ELAC2: variants seen among roughly 807,000 people sequenced by gnomAD.
ELAC2 encodes the protein zinc phosphodiesterase ELAC protein 2.
ELAC2 carries 92 observed loss-of-function variants against 105.2 expected under a neutral mutation model. The observed-to-expected ratio is 0.87, with a 90% confidence interval of 0.74 to 1.04. The LOEUF is 1.04. ELAC2 is among the 50% of genes least tolerant of loss of function. ELAC2 has a pLI of 0.00. For synonymous variants in ELAC2, 468 were observed against 409.1 expected (o/e 1.14, Z -1.74); for missense variants, 1,099 against 1,071.7 (o/e 1.03, Z -0.36).
intron 10 of ELAC2, 121 bp from the exon 11 acceptor site, chr17:13,005,222 C>T: frequency 1.3e-6 from 1 of 776,748 alleles, no homozygotes; most frequent in South Asian, 1.4e-5. Flanking sequence ...AAACAAAGCA[C>T]AAAACCAACT....
chr17:13,017,732 G>C lies in ELAC2; in HGVS notation c.216C>G (p.Ala72=). 6 of 1,612,558 alleles carry C rather than the reference G, an allele frequency of 3.7e-6. No individual in the cohort carries two copies. The highest frequency in any genetic ancestry group is 5.1e-6 in the Non-Finnish European group (6 of 1,179,672). ...VVAAGSRDSG[A]ALYVFSEFNR... is the part of the protein sequence containing the mutation. ...TGAACTCGGAGAAGACGTAGAGCGC[G>C]GCGCCCGAGTCCCGGCTACCCGCTG... The change falls in exon 1 of 24, where the codon GCC becomes GCG. Residue 72 remains alanine (A), a synonymous_variant. Coordinates refer to ENST00000338034, the MANE Select transcript of ELAC2 (RefSeq NM_018127.7).
At chr17:13,001,301 T>TG (rs61430956) in intron 14 of ELAC2, among the ~76,000 whole-genome samples, 40,473 of 151,800 alleles carry the variant, frequency 0.27, 5,615 homozygotes, top group Middle Eastern at 0.33. Context: ...GAGACCAGCC[T>TG]GCCAACATGG....
At chr17:12,996,117 G>T in intron 17 of ELAC2, 139 bp from the exon 18 acceptor site, 1 of 931,432 alleles carries the variant, frequency 1.1e-6, no homozygotes, top group Non-Finnish European at 1.7e-6. Flanking sequence ...AGTGGGGGTG[G>T]CACAGGCCGA....
At chr17:12,993,879 C>G in intron 22 of ELAC2, 48 bp from the exon 23 acceptor site, 1 of 1,613,448 alleles carries the variant, frequency 6.2e-7, no homozygotes, top group Non-Finnish European at 8.5e-7. Flanking sequence ...AACTGCAAGA[C>G]TGCAAAGCAG....
intron 6 of ELAC2, 151 bp downstream of exon 6, chr17:13,013,056 G>C (rs2041508120): frequency 1.2e-6 from 1 of 835,756 alleles, no homozygotes; most frequent in Non-Finnish European, 2.0e-6. Flanking sequence ...CAGGGCAGGA[G>C]CCATATCTTC....
chr17:13,005,097 A>T lies in ELAC2; in HGVS notation c.875T>A (p.Leu292Ter). 1 of 1,613,388 alleles carries T rather than the reference A, an allele frequency of 6.2e-7. No homozygotes were observed. Among genetic ancestry groups the T allele is most frequent in the South Asian group, 1.1e-5 (1 of 91,084 alleles). The change falls in exon 11 of 24, where the codon TTG becomes TAG. Residue 292 changes from leucine (L) to a stop codon, truncating the protein, a stop_gained. Transcript: ENST00000338034. LOFTEE classifies it high-confidence loss of function. ...TGGAGGAGTACACAGCTCTTCAGCC[A>T]AAATCTGCAAAACCAAATAAGCCCG... Reference protein sequence around the residue: ...KSITHEGREILAEELCTPPDP... With the variant: ...KSITHEGREI
intron 10 of ELAC2, among the ~76,000 whole-genome samples, chr17:13,005,364 C>T (rs890914851): frequency 6.6e-6 from 1 of 152,162 alleles, no homozygotes; most frequent in African/African-American, 2.4e-5. Context: ...CAGTCTGTGG[C>T]CACTGGTCCT....
At chr17:13,013,759 C>A (rs1320126456) in intron 5 of ELAC2, among the ~76,000 whole-genome samples, 1 of 152,162 alleles carries the variant, frequency 6.6e-6, no homozygotes, top group African/African-American at 2.4e-5. Flanking sequence ...GCTGTAAGCC[C>A]CCCTGCGCAG....
At position 12,992,790 on chromosome 17, in the gene ELAC2, CCTT is replaced by C; in HGVS notation, c.*25_*27del. ...CGTGCGTGGGGCAGAAGACACACAG[CCTT>C]CTGAGTTCAGGGTCTCCCAGATCTT... On this transcript the variant is annotated 3_prime_UTR_variant, in exon 24 of 24. Coordinates refer to ENST00000338034, the MANE Select transcript of ELAC2 (RefSeq NM_018127.7). The C allele has an allele frequency of 1.2e-6, 2 of 1,608,688 alleles. No individual in the cohort carries two copies. The highest frequency in any genetic ancestry group is 2.2e-5 in the South Asian group (2 of 90,986).
At chr17:13,015,920 A>G in intron 3 of ELAC2, 88 bp from the exon 4 acceptor site, 1 of 993,686 alleles carries the variant, frequency 1.0e-6, no homozygotes, top group Non-Finnish European at 1.6e-6. Context: ...CCAACTATTT[A>G]TCTACATCTC....
At chr17:12,995,427 C>G (rs2040419707) in intron 19 of ELAC2, among the ~76,000 whole-genome samples, 1 of 152,218 alleles carries the variant, frequency 6.6e-6, no homozygotes, top group African/African-American at 2.4e-5. Context: ...CTGGAACTGT[C>G]TCATCAAGAA....
intron 11 of ELAC2, 154 bp from the exon 12 acceptor site, chr17:13,003,728 C>T (rs1567756971): frequency 2.9e-6 from 2 of 685,122 alleles, no homozygotes; most frequent in Admixed American, 4.3e-5. Flanking sequence ...CAGCAGGCTG[C>T]TCACGGCAGA....
At chr17:13,006,046 C>T (rs752532438) in intron 8 of ELAC2, 67 bp from the exon 9 acceptor site, 1 of 1,473,766 alleles carries the variant, frequency 6.8e-7, no homozygotes, top group South Asian at 1.1e-5. Flanking sequence ...AATCAATTTT[C>T]TTAGAAGTGT....
intron 4 of ELAC2, 104 bp downstream of exon 4, chr17:13,015,664 G>T (rs984413222): frequency 1.5e-5 from 14 of 915,352 alleles, no homozygotes; most frequent in Non-Finnish European, 2.4e-5. Context: ...CAACGACCAG[G>T]TATCTCTGGA....
rs1262108861 is a variant in ELAC2 at position 12,991,805 on chromosome 17, A to G, written c.*1013T>C. 3.3e-5 allele frequency among the ~76,000 whole-genome samples: 5 copies of G among 151,970 alleles called. No homozygotes were observed. Among genetic ancestry groups the G allele is most frequent in the African/African-American group, 7.3e-5 (3 of 41,328 alleles). ...GAGTTTTTAAAGCTCTTCTTTTTAC[A>G]TTCTCCTGGGTAGGGAATATACACA... On this transcript the variant is annotated 3_prime_UTR_variant, in exon 24 of 24. Coordinates refer to ENST00000338034, the MANE Select transcript of ELAC2 (RefSeq NM_018127.7).
In ELAC2 at chr17:13,014,476, G is replaced by T; in HGVS notation, c.453C>A (p.Ile151=). ...PPQLEKYLEA[I]KIFSGPLKGI... is the part of the protein sequence containing the mutation. ...CTTTCAATGGACCAGAAAATATTTT[G>T]ATTGCTTCGAGGTATTTTTCCTAAT... The change falls in exon 5 of 24, where the codon ATC becomes ATA. Residue 151 remains isoleucine, a synonymous_variant. Transcript: ENST00000338034. The T allele has an allele frequency of 6.2e-7, 1 of 1,613,544 alleles. No homozygotes were observed. The highest frequency in any genetic ancestry group is 1.1e-5 in the South Asian group (1 of 91,060).
In ELAC2 at chr17:13,017,904, G is replaced by T; in HGVS notation, c.44C>A (p.Thr15Asn). ...CSLLRSAAGRTMSQGRTISQA... is the reference protein window; with the variant it reads ...CSLLRSAAGRNMSQGRTISQA... ...CGATATGGTGCGTCCCTGCGACATGGTGCGTCCGGCCGCGGACCGCAGCAG... is the reference window on the plus strand; with the variant it reads ...CGATATGGTGCGTCCCTGCGACATGTTGCGTCCGGCCGCGGACCGCAGCAG... Residue 15 changes from threonine to asparagine, a missense_variant, in exon 1 of 24, where the codon ACC becomes AAC. Coordinates refer to ENST00000338034, the MANE Select transcript of ELAC2 (RefSeq NM_018127.7). 1 of 1,542,576 alleles carries T rather than the reference G, an allele frequency of 6.5e-7. No individual in the cohort carries two copies. The highest frequency in any genetic ancestry group is 8.7e-7 in the Non-Finnish European group (1 of 1,147,156).
At chr17:13,007,630 C>T (rs2041180812) in intron 8 of ELAC2, among the ~76,000 whole-genome samples, 1 of 152,208 alleles carries the variant, frequency 6.6e-6, no homozygotes, top group African/African-American at 2.4e-5. Context: ...GTAATCCCAG[C>T]ACTTTGGGAG....
In ELAC2 at chr17:13,002,597, C is replaced by T. The variant is rs775647349; in HGVS notation, c.1080-18G>A. The stretch of plus-strand genomic sequence containing the variant: ...GCCCAAACCTGTGAAGAAACAGACC[C>T]GGCATTTGCAGCGTCTGTTAGGAGG... On this transcript the variant is annotated intron_variant, in intron 12 of 23. Transcript: ENST00000338034. The T allele has an allele frequency of 1.7e-5, 27 of 1,588,206 alleles. No homozygotes were observed. The highest frequency in any genetic ancestry group is 1.5e-4 in the South Asian group (13 of 87,772).
Sources: gnomAD v4.1 joint callset for allele counts (sites outside exome capture counted in the v4.1 genomes callset) on GRCh38, gnomAD v4.1.1 for gene constraint, MANE v1.5 for transcripts, NCBI Gene and HGNC (gene_info 2026-07-23, HGNC 2026-07-21) for gene names.